Variants in PDE10A observed in about 807,000 individuals in gnomAD.
PDE10A encodes phosphodiesterase 10A.
Under a neutral mutation model 97.7 loss-of-function variants are expected in PDE10A, and 39 were observed. The ratio of observed to expected loss-of-function variants is 0.40; its 90% CI spans 0.31 to 0.52. PDE10A has a LOEUF of 0.52. Ranked by LOEUF, PDE10A falls within the 20% of genes least tolerant of loss-of-function variation. The pLI is 0.56. For synonymous variants in PDE10A, 371 were observed against 376.8 expected (o/e 0.98, Z 0.18); for missense variants, 731 against 1,047.8 (o/e 0.70, Z 4.17).
chr6:165,537,376 T>C (rs1783153793), intron 2 of PDE10A, among the ~76,000 whole-genome samples: 2 of 151,934 alleles, frequency 1.3e-5, no homozygotes, highest in African/African-American at 2.4e-5. Context: ...GGTAGCACAA[T>C]AGGGGGACCA....
intron 18 of PDE10A, among the ~76,000 whole-genome samples, chr6:165,376,986 G>T (rs1005395663): frequency 6.6e-6 from 1 of 152,110 alleles, no homozygotes; most frequent in Non-Finnish European, 1.5e-5. Context: ...CACCACCCTG[G>T]TCAGAAGCCA....
intron 4 of PDE10A, among the ~76,000 whole-genome samples, chr6:165,449,786 T>C (rs886344107): frequency 1.3e-5 from 2 of 152,142 alleles, no homozygotes; most frequent in Non-Finnish European, 2.9e-5. Context: ...AAAAATCATG[T>C]CCTAAAAACA....
At chr6:165,415,596 CTTAT>C (rs1194981771) in intron 12 of PDE10A, among the ~76,000 whole-genome samples, 1 of 152,138 alleles carries the variant, frequency 6.6e-6, no homozygotes, top group African/African-American at 2.4e-5. Context: ...AAAGATGTAA[CTTAT>C]TTAGTTACTT....
intron 1 of PDE10A, among the ~76,000 whole-genome samples, chr6:165,760,908 G>A (rs548195045): frequency 1.2e-3 from 183 of 152,276 alleles, no homozygotes; most frequent in African/African-American, 4.2e-3. Context: ...AAAGAGCTAC[G>A]TTCAAGCTAG....
chr6:165,732,880 A>G (rs1204944991), intron 1 of PDE10A, among the ~76,000 whole-genome samples: 3 of 152,106 alleles, frequency 2.0e-5, no homozygotes, highest in Non-Finnish European at 4.4e-5. Context: ...GCCACCAAGC[A>G]CAGCTGGCCT....
rs555011828 is a variant in PDE10A, at chr6:165,886,556, G to T, written c.-615+100973C>A. 1.6e-4 allele frequency among the ~76,000 whole-genome samples: 25 copies of T among 152,386 alleles called. No homozygotes were observed. The South Asian group carries it at 5.0e-3, about 30-fold the overall frequency. ...TCCTACACAAAGCCAGAATCCAGAA[G>T]TTGCTCAGTGAGGGTTGAACAAGAA... On this transcript the variant is annotated intron_variant, in intron 1 of 19. Coordinates refer to the PDE10A transcript ENST00000366882.
chr6:165,371,760 C>A (rs979471725), intron 18 of PDE10A, among the ~76,000 whole-genome samples: 1 of 151,888 alleles, frequency 6.6e-6, no homozygotes, highest in African/African-American at 2.4e-5. Flanking sequence ...CAAAGCCGGG[C>A]AGAGACACAA....
At chr6:165,492,106 T>C (rs534094552) in intron 2 of PDE10A, among the ~76,000 whole-genome samples, 1 of 152,256 alleles carries the variant, frequency 6.6e-6, no homozygotes, top group African/African-American at 2.4e-5. Flanking sequence ...CTGGGAAATC[T>C]AGAGGAGATG....
intron 20 of PDE10A, 128 bp downstream of exon 20, chr6:165,339,150 A>G: frequency 1.4e-6 from 1 of 730,864 alleles, no homozygotes; most frequent in Non-Finnish European, 2.5e-6. Flanking sequence ...ATTAATCACC[A>G]GATCTGCCTG....
chr6:165,937,239 G>C (rs1215326696), intron 1 of PDE10A, among the ~76,000 whole-genome samples: 2 of 152,136 alleles, frequency 1.3e-5, no homozygotes, highest in Non-Finnish European at 2.9e-5. Flanking sequence ...AATATGGAAG[G>C]GTTCATGTGG....
At chr6:165,976,554 AG>A (rs1184711463) in intron 1 of PDE10A, among the ~76,000 whole-genome samples, 5 of 152,326 alleles carry the variant, frequency 3.3e-5, no homozygotes, top group African/African-American at 1.2e-4. Context: ...AAGGTTTCAA[AG>A]AATATTCTAG....
At chr6:165,982,338 A>G (rs979777350) in intron 1 of PDE10A, among the ~76,000 whole-genome samples, 1 of 152,244 alleles carries the variant, frequency 6.6e-6, no homozygotes, top group African/African-American at 2.4e-5. Context: ...AACCAATTTC[A>G]TCCAAAACAG....
At chr6:165,423,746 T>C (rs528096665) in intron 10 of PDE10A, among the ~76,000 whole-genome samples, 1 of 151,466 alleles carries the variant, frequency 6.6e-6, no homozygotes, top group Admixed American at 6.6e-5. Flanking sequence ...GTGCCTGTAG[T>C]CCCAGCTACT....
At chr6:165,533,861 A>T (rs1782925098) in intron 2 of PDE10A, among the ~76,000 whole-genome samples, 1 of 152,140 alleles carries the variant, frequency 6.6e-6, no homozygotes, top group African/African-American at 2.4e-5. Flanking sequence ...TATTTATTTG[A>T]ATTAGTTTCA....
intron 1 of PDE10A, among the ~76,000 whole-genome samples, chr6:165,656,724 T>C: frequency 6.6e-6 from 1 of 152,214 alleles, no homozygotes; most frequent in East Asian, 1.9e-4. Context: ...CTTCCCAGGC[T>C]TCTCGCAAAG....
At chr6:165,707,705 G>A (rs956641909) in intron 1 of PDE10A, among the ~76,000 whole-genome samples, 4 of 151,930 alleles carry the variant, frequency 2.6e-5, no homozygotes, top group Admixed American at 2.0e-4. Context: ...GAGTGTGTGA[G>A]ACTGTGCGTG....
chr6:165,769,704 C>G (rs1420975563), intron 1 of PDE10A, among the ~76,000 whole-genome samples: 1 of 151,936 alleles, frequency 6.6e-6, no homozygotes, highest in Non-Finnish European at 1.5e-5. Flanking sequence ...CAAAATTGCC[C>G]GCGAACAAAG....
intron 1 of PDE10A, among the ~76,000 whole-genome samples, chr6:165,916,556 A>T (rs1220009955): frequency 6.6e-6 from 1 of 152,196 alleles, no homozygotes; most frequent in African/African-American, 2.4e-5. Context: ...AAATGACAAG[A>T]CCTAATGACA....
chr6:165,588,426 G>T (rs1396883359), intron 1 of PDE10A, among the ~76,000 whole-genome samples: 1 of 151,574 alleles, frequency 6.6e-6, no homozygotes, highest in Non-Finnish European at 1.5e-5. Flanking sequence ...GAGTAGCTGG[G>T]ATTACAGTCA....
Sources: allele counts gnomAD v4.1 joint callset (sites outside exome capture counted in the v4.1 genomes callset), GRCh38; gene constraint gnomAD v4.1.1; transcripts MANE v1.5; gene names NCBI Gene and HGNC (gene_info 2026-07-23, HGNC 2026-07-21).